PCDHA1: variants seen among roughly 807,000 people sequenced by gnomAD.
The protein encoded by PCDHA1 is protocadherin alpha-1.
PCDHA1 carries 42 observed loss-of-function variants against 61.3 expected under a neutral mutation model. That is an observed-to-expected ratio of 0.69 (90% CI 0.54 to 0.89). The LOEUF (loss-of-function observed/expected upper bound fraction) is 0.89. Ranked by LOEUF, PCDHA1 falls within the 40% of genes least tolerant of loss-of-function variation. The pLI, the probability that PCDHA1 is intolerant of heterozygous loss-of-function variation, is 0.00. For missense variants in PCDHA1, 1,256 were observed against 1,235.3 expected (o/e 1.02, Z -0.25); for synonymous variants, 610 against 553.8 (o/e 1.10, Z -1.43).
At chr5:140,904,164 T>A (rs1475689291) in intron 1 of PCDHA1, among the ~76,000 whole-genome samples, 2 of 152,078 alleles carry the variant, frequency 1.3e-5, no homozygotes, top group South Asian at 4.1e-4. Flanking sequence ...CAGTTTGTAG[T>A]CTTTTATTCC....
chr5:140,959,107 C>A (rs1330357931), intron 1 of PCDHA1, among the ~76,000 whole-genome samples: 1 of 151,920 alleles, frequency 6.6e-6, no homozygotes, highest in South Asian at 2.1e-4. Context: ...CAGCAGGGGT[C>A]CGAAGGTGGG....
intron 1 of PCDHA1, among the ~76,000 whole-genome samples, chr5:140,840,582 C>T (rs1776775651): frequency 6.6e-6 from 1 of 151,916 alleles, no homozygotes; most frequent in African/African-American, 2.4e-5. Flanking sequence ...TCAGAGAAAT[C>T]ATAAAGGAAA....
chr5:140,999,527 C>T (rs578180518), intron 3 of PCDHA1, among the ~76,000 whole-genome samples: 27 of 152,206 alleles, frequency 1.8e-4, no homozygotes, highest in African/African-American at 5.8e-4. Flanking sequence ...TTGTTACCCC[C>T]TGGATATGAC....
chr5:140,853,580 T>C, intron 1 of PCDHA1: 2 of 984,120 alleles, frequency 2.0e-6, no homozygotes, highest in Non-Finnish European at 2.4e-6. Flanking sequence ...TCACCCAATA[T>C]CTTAGACACT....
intron 1 of PCDHA1, chr5:140,807,483 G>C (rs371525794): frequency 1.2e-6 from 2 of 1,613,322 alleles, no homozygotes; most frequent in Non-Finnish European, 1.7e-6. Context: ...TGCCGGCGGA[G>C]CGCGGAGTGC....
In PCDHA1 at chr5:140,927,196, G is replaced by A. The variant is rs781932405; in HGVS notation, c.2395-51753G>A. On this transcript the variant is annotated intron_variant, in intron 1 of 3. Coordinates refer to ENST00000504120, the MANE Select transcript of PCDHA1 (RefSeq NM_018900.4). ...CGTCTTGACCTACGACCTGGTGCTC[G>A]AGGACCCGCTGGAGCTGCACAAGAT... The A allele has an allele frequency of 5.6e-6, 9 of 1,614,028 alleles. No homozygotes were observed. In the South Asian group the frequency reaches 7.7e-5, roughly 14 times the overall value.
chr5:140,938,180 A>G (rs913967767), intron 1 of PCDHA1, among the ~76,000 whole-genome samples: 2 of 152,166 alleles, frequency 1.3e-5, no homozygotes, highest in Non-Finnish European at 2.9e-5. Flanking sequence ...TCCTGGGCTC[A>G]AGCAATCCTC....
intron 1 of PCDHA1, chr5:140,835,868 G>A (rs1454077301): frequency 6.2e-7 from 1 of 1,612,002 alleles, no homozygotes; most frequent in African/African-American, 1.3e-5. Flanking sequence ...ACTCGCTGGT[G>A]GAGCTGCGGG....
chr5:141,010,377 G>A lies in PCDHA1; in HGVS notation c.*440G>A. 1 of 1,444,554 alleles carries A rather than the reference G, an allele frequency of 6.9e-7. No individual in the cohort carries two copies. The highest frequency in any genetic ancestry group is 1.4e-5 in the South Asian group (1 of 71,996). The allele number at this position is 1,444,554 out of a possible 1,614,324, so 89.5% of individuals were successfully genotyped here. ...GGCTACCGCGGGTATGCGAGTGCCA[G>A]ATATTGGCTGAGACGAGCCAGCTTA... On this transcript the variant is annotated 3_prime_UTR_variant, in exon 4 of 4. Transcript: ENST00000504120.
chr5:140,828,044 C>T, intron 1 of PCDHA1: 1 of 1,542,076 alleles, frequency 6.5e-7, no homozygotes, highest in Non-Finnish European at 8.7e-7. Flanking sequence ...AGTATTTTAT[C>T]TTTATGCGGA....
chr5:140,885,965 A>C (rs2060792569), intron 1 of PCDHA1, among the ~76,000 whole-genome samples: 1 of 152,070 alleles, frequency 6.6e-6, no homozygotes, highest in African/African-American at 2.4e-5. Context: ...TTTTATTTTG[A>C]GATAATTATA....
intron 1 of PCDHA1, among the ~76,000 whole-genome samples, chr5:140,831,508 C>A (rs2150108067): frequency 6.9e-6 from 1 of 145,360 alleles, no homozygotes; most frequent in Admixed American, 7.1e-5. Context: ...CGAGCACCAC[C>A]ATGCCCCCCA....
rs782140638 is a variant in PCDHA1 at position 140,803,010 on chromosome 5, G to T, written c.2394+14326G>T. On this transcript the variant is annotated intron_variant, in intron 1 of 3. Transcript: ENST00000504120. ...AGTGGATGCAGACTCAGGCTACAAC[G>T]CGTGGCTTTCGTATGAGCTGCAGCC... 7 of 1,613,910 alleles carry T rather than the reference G, an allele frequency of 4.3e-6. No homozygotes were observed. The African/African-American group carries it at 8.0e-5, about 18-fold the overall frequency.
At chr5:140,869,560 C>T in intron 1 of PCDHA1, 1 of 1,614,158 alleles carries the variant, frequency 6.2e-7, no homozygotes, top group Non-Finnish European at 8.5e-7. Context: ...CTCGCGTTTT[C>T]CACTAGAGGG....
chr5:140,928,108 G>A (rs782166106), intron 1 of PCDHA1: 5 of 1,614,072 alleles, frequency 3.1e-6, no homozygotes, highest in Admixed American at 3.3e-5. Context: ...CCTGGACCGG[G>A]AGCAGATCAG....
intron 1 of PCDHA1, among the ~76,000 whole-genome samples, chr5:140,973,810 T>C (rs1179978402): frequency 6.6e-6 from 1 of 152,230 alleles, no homozygotes; most frequent in Non-Finnish European, 1.5e-5. Context: ...CTTGACAGAA[T>C]AGCAAAGTCA....
In PCDHA1 at chr5:140,860,044, T is replaced by C. The variant is rs116974556; in HGVS notation, c.2394+71360T>C. On this transcript the variant is annotated intron_variant, in intron 1 of 3. Coordinates refer to ENST00000504120, the MANE Select transcript of PCDHA1 (RefSeq NM_018900.4). The stretch of plus-strand genomic sequence containing the variant: ...TGGCTCACACCTGTAATCCCAGCAT[T>C]TTGAGAGGCCAAGGTGGGAGGATGG... 10 of 151,928 alleles carry C rather than the reference T, an allele frequency of 6.6e-5. No homozygotes were observed. In the East Asian group the frequency reaches 1.9e-3, roughly 29 times the overall value. 9.4% of individuals were successfully genotyped at this position (151,928 alleles called of 1,614,324 possible).
intron 1 of PCDHA1, chr5:140,884,070 C>T: frequency 1.2e-6 from 2 of 1,613,516 alleles, no homozygotes; most frequent in Non-Finnish European, 1.7e-6. Context: ...GACGCCGATT[C>T]GGGCTACAAT....
chr5:140,804,811 A>G (rs549374549), intron 1 of PCDHA1: 211 of 318,752 alleles, frequency 6.6e-4, no homozygotes, highest in Non-Finnish European at 1.0e-3. Context: ...ATAGTAACCA[A>G]CTGAAACCTG....
Sources: gnomAD v4.1 joint callset for allele counts (sites outside exome capture counted in the v4.1 genomes callset) on GRCh38, gnomAD v4.1.1 for gene constraint, MANE v1.5 for transcripts, NCBI Gene and HGNC (gene_info 2026-07-23, HGNC 2026-07-21) for gene names.